The following SV2C variants were observed in gnomAD, a reference collection of about 807,000 sequenced individuals.
The protein encoded by SV2C is solute carrier family 22 member B3.
In SV2C, 49 loss-of-function variants were observed where a neutral mutation model predicts 79.7. That is an observed-to-expected ratio of 0.61 (90% confidence interval 0.49 to 0.78). SV2C has a LOEUF of 0.78. Ranked by LOEUF, SV2C falls within the 30% of genes least tolerant of loss-of-function variation. The probability of loss-of-function intolerance (pLI) is 0.00; values close to 1 mark genes in which losing one functional copy is unlikely to be tolerated. For missense variants in SV2C, 833 were observed against 912.9 expected (o/e 0.91, Z 1.13); for synonymous variants, 334 against 333.2 (o/e 1.00, Z -0.03).
intron 4 of SV2C, among the ~76,000 whole-genome samples, chr5:76,247,002 A>G (rs1436108587): frequency 6.6e-6 from 1 of 152,224 alleles, no homozygotes; most frequent in African/African-American, 2.4e-5. Context: ...CTCTGAAACT[A>G]TCAAAGAAAT....
chr5:76,271,763 G>A (rs2972834), intron 4 of SV2C, among the ~76,000 whole-genome samples: 1 of 151,722 alleles, frequency 6.6e-6, no homozygotes, highest in Non-Finnish European at 1.5e-5. Flanking sequence ...CATCGCGCCC[G>A]GCGTATGTGC....
At chr5:76,007,287 C>G in the SV2C span, among the ~76,000 whole-genome samples, 2 of 151,628 alleles carry the variant, frequency 1.3e-5, no homozygotes, top group South Asian at 2.1e-4. Flanking sequence ...GAGGCATACA[C>G]AAACAATGAA....
chr5:76,274,684 C>CTTT (rs11415755), intron 4 of SV2C, among the ~76,000 whole-genome samples: 6 of 139,614 alleles, frequency 4.3e-5, no homozygotes, highest in South Asian at 2.2e-4. Flanking sequence ...TTTTCTCCTT[C>CTTT]TTTTTTTTTT....
intron 1 of SV2C, among the ~76,000 whole-genome samples, chr5:76,120,647 T>C (rs994553495): frequency 6.7e-6 from 1 of 150,094 alleles, no homozygotes; most frequent in African/African-American, 2.5e-5. Flanking sequence ...GATAGTTTAC[T>C]GAGAATGATG....
At chr5:76,337,087 G>A (rs564768298), downstream of SV2C, among the ~76,000 whole-genome samples, 29 of 152,224 alleles carry the variant, frequency 1.9e-4, 1 homozygote, top group South Asian at 5.6e-3. Flanking sequence ...TATCTGTATT[G>A]TTTGCTAGGG....
rs375069463 is a variant in SV2C, at chr5:76,331,814, C to G, written c.*6267C>G. The G allele has an allele frequency of 4.6e-5, 7 of 152,552 alleles. No homozygotes were observed. The East Asian group carries it at 1.3e-3, about 29-fold the overall frequency. The allele number at this position is 152,552 out of a possible 1,614,324, so 9.4% of individuals were successfully genotyped here. A position where few individuals can be genotyped will look rare whatever the true frequency, so the allele number is the denominator to read the frequency against. ...GCACAGAGGAGGAGAAGGTGAAGAA[C>G]AGGAATGGGTGCAGGGGGAGTGTGA... On this transcript the variant is annotated 3_prime_UTR_variant, in exon 13 of 13. Transcript: ENST00000502798.
At chr5:76,263,156 T>A (rs2112460285) in intron 4 of SV2C, among the ~76,000 whole-genome samples, 1 of 152,352 alleles carries the variant, frequency 6.6e-6, no homozygotes, top group East Asian at 1.9e-4. Context: ...TAGCTCTTCT[T>A]GTTGCATTGA....
chr5:76,049,156 T>G, the SV2C span, among the ~76,000 whole-genome samples: 1 of 151,578 alleles, frequency 6.6e-6, no homozygotes, highest in African/African-American at 2.4e-5. Flanking sequence ...GCTAACATGA[T>G]GAAACACCCG....
At chr5:76,036,658 G>C in the SV2C span, among the ~76,000 whole-genome samples, 3 of 152,094 alleles carry the variant, frequency 2.0e-5, no homozygotes, top group Non-Finnish European at 4.4e-5. Context: ...CCCAACCTTT[G>C]TCTCTGGCTG....
the SV2C span, among the ~76,000 whole-genome samples, chr5:76,026,201 A>AACAAACACAC: frequency 1.4e-5 from 2 of 140,138 alleles, no homozygotes; most frequent in Admixed American, 7.2e-5. Flanking sequence ...CAAATTTACA[A>AACAAACACAC]ACACACACAC....
chr5:76,347,469 G>C (rs1000922401), intron 12 of SV2C, among the ~76,000 whole-genome samples: 1 of 141,000 alleles, frequency 7.1e-6, no homozygotes, highest in African/African-American at 2.8e-5. Flanking sequence ...TTTTGAGACA[G>C]AGTCTCTCTC....
chr5:75,904,541 G>A, the SV2C span, among the ~76,000 whole-genome samples: 228 of 152,106 alleles, frequency 1.5e-3, 2 homozygotes, highest in African/African-American at 5.3e-3. Context: ...TGTCCAGAGC[G>A]TCAAGAACAA....
intron 2 of SV2C, among the ~76,000 whole-genome samples, chr5:76,166,979 A>G: frequency 6.6e-6 from 1 of 152,204 alleles, no homozygotes; most frequent in East Asian, 1.9e-4. Flanking sequence ...CAGCACTTAA[A>G]GGAAGTCAAG....
At chr5:75,924,083 AG>A in the SV2C span, among the ~76,000 whole-genome samples, 4 of 152,366 alleles carry the variant, frequency 2.6e-5, no homozygotes, top group Admixed American at 2.6e-4. Context: ...AGCAATAAAA[AG>A]GAATAAAAGA....
chr5:76,078,771 G>A (rs1746927672), upstream of SV2C: 2 of 581,414 alleles, frequency 3.4e-6, no homozygotes, highest in African/African-American at 1.9e-5. Flanking sequence ...GCAGGGGATG[G>A]CAGAGTCTGC....
chr5:76,259,313 G>A (rs372539650), intron 4 of SV2C, among the ~76,000 whole-genome samples: 414 of 152,312 alleles, frequency 2.7e-3, no homozygotes, highest in Non-Finnish European at 4.6e-3. Flanking sequence ...TGACGTATGA[G>A]AATGACACTT....
At chr5:75,941,327 T>C in the SV2C span, among the ~76,000 whole-genome samples, 1 of 152,252 alleles carries the variant, frequency 6.6e-6, no homozygotes, top group Non-Finnish European at 1.5e-5. Flanking sequence ...GCTCGATTTA[T>C]CTACAACTTC....
At chr5:76,088,079 C>T (rs1747256984) in intron 1 of SV2C, among the ~76,000 whole-genome samples, 1 of 152,206 alleles carries the variant, frequency 6.6e-6, no homozygotes, top group South Asian at 2.1e-4. Context: ...CCCCAAACCA[C>T]TTCCATCCCC....
chr5:76,325,164 G>A (rs1748949420), intron 12 of SV2C, among the ~76,000 whole-genome samples, 200 bp from the exon 13 acceptor site: 1 of 152,238 alleles, frequency 6.6e-6, no homozygotes, highest in African/African-American at 2.4e-5. Flanking sequence ...GCTATGGTAA[G>A]AAAGTCAACA....
Sources: gnomAD v4.1 joint callset for allele counts (sites outside exome capture counted in the v4.1 genomes callset) on GRCh38, gnomAD v4.1.1 for gene constraint, MANE v1.5 for transcripts, NCBI Gene and HGNC (gene_info 2026-07-23, HGNC 2026-07-21) for gene names.